Variants in PDE4B observed in about 807,000 individuals in gnomAD.
The protein encoded by PDE4B is phosphodiesterase 4B, also known as 3',5'-cyclic-AMP phosphodiesterase 4B.
PDE4B carries 20 observed loss-of-function variants against 82.2 expected under a neutral mutation model. The ratio of observed to expected loss-of-function variants is 0.24; its 90% CI spans 0.17 to 0.35. The LOEUF (loss-of-function observed/expected upper bound fraction) is 0.35, where lower values mean the gene tolerates loss of function less well. PDE4B is among the 10% of genes least tolerant of loss of function. The pLI is 1.00. For missense variants in PDE4B, 655 were observed against 907.2 expected (o/e 0.72, Z 3.57); for synonymous variants, 320 against 318.9 (o/e 1.00, Z -0.04).
intron 3 of PDE4B, among the ~76,000 whole-genome samples, chr1:65,928,139 A>C (rs1647611180): frequency 6.6e-6 from 1 of 150,508 alleles, no homozygotes; most frequent in East Asian, 2.0e-4. Flanking sequence ...GGATGGGAGA[A>C]AGATTCACTG....
At chr1:65,941,976 A>G (rs1235952008) in intron 3 of PDE4B, among the ~76,000 whole-genome samples, 1 of 152,048 alleles carries the variant, frequency 6.6e-6, no homozygotes, top group South Asian at 2.1e-4. Flanking sequence ...TGTCCCTACA[A>G]TTCATTCTAC....
At chr1:66,300,338 TG>T (rs1657797895) in intron 7 of PDE4B, among the ~76,000 whole-genome samples, 3 of 152,168 alleles carry the variant, frequency 2.0e-5, no homozygotes, top group African/African-American at 4.8e-5. Context: ...ACATCACTGC[TG>T]GCTGGACTCA....
At chr1:66,130,419 T>C (rs1253922736) in intron 3 of PDE4B, among the ~76,000 whole-genome samples, 3 of 152,188 alleles carry the variant, frequency 2.0e-5, no homozygotes, top group South Asian at 4.1e-4. Flanking sequence ...GCTGTCCACA[T>C]ACATGATCTC....
intron 3 of PDE4B, among the ~76,000 whole-genome samples, chr1:65,981,092 C>T (rs1356701729): frequency 1.3e-5 from 2 of 152,110 alleles, no homozygotes; most frequent in Non-Finnish European, 2.9e-5. Context: ...AAATATCAAT[C>T]TCAGGTGTGT....
At chr1:66,045,867 A>G (rs1340697966) in intron 3 of PDE4B, among the ~76,000 whole-genome samples, 1 of 151,784 alleles carries the variant, frequency 6.6e-6, no homozygotes, top group Non-Finnish European at 1.5e-5. Context: ...AACCATGTAT[A>G]GTTAAATAAG....
At chr1:66,090,238 G>C (rs981468706) in intron 3 of PDE4B, among the ~76,000 whole-genome samples, 1 of 151,784 alleles carries the variant, frequency 6.6e-6, no homozygotes, top group African/African-American at 2.4e-5. Context: ...AGGTAGGCTT[G>C]GTATAAAAGG....
At chr1:66,050,441 A>G (rs1340917871) in intron 3 of PDE4B, 1 of 152,078 alleles carries the variant, frequency 6.6e-6, no homozygotes, top group Non-Finnish European at 1.5e-5. Flanking sequence ...AGTATAATGG[A>G]CAGTGTTGAT....
At chr1:66,171,379 A>G (rs1003904693) in intron 3 of PDE4B, among the ~76,000 whole-genome samples, 2 of 152,174 alleles carry the variant, frequency 1.3e-5, no homozygotes, top group African/African-American at 4.8e-5. Flanking sequence ...ATATAAAAGG[A>G]AGCATTTCCT....
chr1:66,247,649 C>A lies in PDE4B; in HGVS notation c.471C>A (p.Ser157Arg). 1 of 1,582,408 alleles carries A rather than the reference C, an allele frequency of 6.3e-7. No individual in the cohort carries two copies. Among genetic ancestry groups the A allele is most frequent in the Non-Finnish European group, 8.6e-7 (1 of 1,163,080 alleles). ...KAMSRNSSLP[S>R]EQHGDDLIVT... ...TGTCGAGAAACTCTTCTCTTCCAAG[C>A]GAGCAGTAAGTACAAGCTCTGTCTG... is the stretch of plus-strand genomic sequence containing the variant. The change falls in exon 4 of 17, where the codon AGC becomes AGA. Residue 157 changes from serine to arginine, a missense_variant. By Grantham distance (110) the Ser-to-Arg change is moderately radical. This residue lies in a region of PDE4B where 253 missense variants were observed against 275.6 expected (regional missense o/e 0.92). Transcript: ENST00000341517.
intron 3 of PDE4B, among the ~76,000 whole-genome samples, chr1:66,097,862 G>GTTT (rs34619073): frequency 4.3e-5 from 6 of 139,022 alleles, no homozygotes; most frequent in African/African-American, 1.6e-4. Flanking sequence ...TTGCTGCTGG[G>GTTT]TTTTTTTTTT....
chr1:65,802,595 T>C (rs1323784708), intron 1 of PDE4B, among the ~76,000 whole-genome samples: 2 of 152,096 alleles, frequency 1.3e-5, no homozygotes, highest in Non-Finnish European at 2.9e-5. Flanking sequence ...TTCTGTTATA[T>C]AATGAAAAAA....
intron 3 of PDE4B, among the ~76,000 whole-genome samples, chr1:66,065,149 T>G (rs11588564): frequency 0.22 from 32,808 of 151,750 alleles, 4,078 homozygotes; most frequent in Middle Eastern, 0.36. Flanking sequence ...TTTTTAAACA[T>G]CAAAGAAATC....
Position 66,329,077 on chromosome 1 carries a change from G to A in PDE4B, c.635-3431G>A, listed in dbSNP as rs190657336. On this transcript the variant is annotated intron_variant, in intron 7 of 16. Transcript: ENST00000341517. ...TGGGGACACAGCTTGTCAGTCTGGC[G>A]GCTATCAGGAAGGAGTAGCCAGCTG... 1.9e-4 allele frequency among the ~76,000 whole-genome samples: 29 copies of A among 152,230 alleles called. No individual in the cohort carries two copies. In the East Asian group the frequency reaches 2.5e-3, roughly 13 times the overall value.
intron 7 of PDE4B, among the ~76,000 whole-genome samples, chr1:66,278,474 T>A (rs368104621): frequency 1.3e-5 from 2 of 152,320 alleles, no homozygotes; most frequent in South Asian, 2.1e-4. Context: ...TGACTATCTC[T>A]CTGGAAAGCA....
chr1:66,278,474 T>C (rs368104621), intron 7 of PDE4B, among the ~76,000 whole-genome samples: 1 of 152,202 alleles, frequency 6.6e-6, no homozygotes, highest in Non-Finnish European at 1.5e-5. Flanking sequence ...TGACTATCTC[T>C]CTGGAAAGCA....
intron 7 of PDE4B, among the ~76,000 whole-genome samples, chr1:66,293,217 G>A (rs1013611752): frequency 6.6e-5 from 10 of 152,098 alleles, no homozygotes; most frequent in African/African-American, 1.9e-4. Flanking sequence ...TTTTTACACC[G>A]CTTGCTTGGA....
chr1:66,330,287 C>T (rs1480761612), intron 7 of PDE4B, among the ~76,000 whole-genome samples: 10 of 152,222 alleles, frequency 6.6e-5, no homozygotes, highest in African/African-American at 1.7e-4. Context: ...CCACATCTCA[C>T]GTTGTACCAA....
intron 2 of PDE4B, among the ~76,000 whole-genome samples, chr1:65,918,188 A>G (rs116315641): frequency 0.014 from 2,133 of 152,250 alleles, 62 homozygotes; most frequent in African/African-American, 0.049. Context: ...AAAATACTGA[A>G]CGAGAAACTT....
At chr1:66,336,194 G>A (rs184123788) in intron 8 of PDE4B, among the ~76,000 whole-genome samples, 2 of 152,286 alleles carry the variant, frequency 1.3e-5, no homozygotes, top group Admixed American at 1.3e-4. Context: ...GAGGAATGGC[G>A]CAGCTGCTGT....
Sources: gnomAD v4.1 joint callset for allele counts (sites outside exome capture counted in the v4.1 genomes callset) on GRCh38, gnomAD v4.1.1 for gene constraint, gnomAD v4.1.1 regional missense constraint, MANE v1.5 for transcripts, NCBI Gene and HGNC (gene_info 2026-07-23, HGNC 2026-07-21) for gene names.